The following TTLL10 variants were observed in gnomAD, a reference collection of about 807,000 sequenced individuals.
The protein encoded by TTLL10 is inactive polyglycylase TTLL10.
In TTLL10, 61 loss-of-function variants were observed where a neutral mutation model predicts 69.0. That is an observed-to-expected ratio of 0.88 (90% CI 0.72 to 1.09). The LOEUF is 1.09. TTLL10 is among the 50% of genes least tolerant of loss of function. The pLI is 0.00. For synonymous variants in TTLL10, 408 were observed against 393.3 expected (o/e 1.04, Z -0.44); for missense variants, 962 against 945.9 (o/e 1.02, Z -0.22).
At chr1:1,175,955 C>T (rs1411693221) in intron 3 of TTLL10, 1 of 437,840 alleles carries the variant, frequency 2.3e-6, no homozygotes. Context: ...TGACGCTGTG[C>T]AGGTGGAAAG....
Position 1,185,989 on chromosome 1 carries a change from T to G in TTLL10, c.1401+880T>G. The G allele has an allele frequency of 7.3e-6, 2 of 274,608 alleles. No individual in the cohort carries two copies. Among genetic ancestry groups the G allele is most frequent in the Non-Finnish European group, 1.1e-5 (2 of 180,324 alleles). 17.0% of individuals were successfully genotyped at this position (274,608 alleles called of 1,614,324 possible). On this transcript the variant is annotated intron_variant, in intron 13 of 15. Transcript: ENST00000379289. The surrounding 1 kb of genome is among the most constrained non-coding windows in gnomAD (Gnocchi z 6.1). Reference sequence around the variant, plus strand: ...GCCATCACAGCTACATTGCCGGCCATTCCTGGTCACCGCTGATGGACCTTC... The same window carrying G: ...GCCATCACAGCTACATTGCCGGCCAGTCCTGGTCACCGCTGATGGACCTTC...
chr1:1,177,473 G>C (rs559483897), intron 3 of TTLL10, among the ~76,000 whole-genome samples: 13 of 152,278 alleles, frequency 8.5e-5, no homozygotes, highest in African/African-American at 2.4e-4. Flanking sequence ...CACCATGCCC[G>C]GCTAATTTTT....
intron 13 of TTLL10, among the ~76,000 whole-genome samples, chr1:1,195,135 C>T (rs929956651): frequency 4.6e-5 from 7 of 152,184 alleles, no homozygotes; most frequent in Non-Finnish European, 2.9e-5. Context: ...GGACTACAGG[C>T]ACGCACCATC....
chr1:1,183,818 G>A lies in TTLL10; in HGVS notation c.1089-102G>A, dbSNP rs566161552. 6.0e-5 allele frequency: 87 copies of A among 1,457,220 alleles called. No homozygotes were observed. In the African/African-American group the frequency reaches 8.5e-4, roughly 14 times the overall value. 90.3% of individuals were successfully genotyped at this position (1,457,220 alleles called of 1,614,324 possible). A position where few individuals can be genotyped will look rare whatever the true frequency, so the allele number is the denominator to read the frequency against. ...TGGAGGTCACACCTGGGACAGAGGCGGGGCGCTGAGGAAATGGAACAGGCC... is the reference window on the plus strand; with the variant it reads ...TGGAGGTCACACCTGGGACAGAGGCAGGGCGCTGAGGAAATGGAACAGGCC... On this transcript the variant is annotated intron_variant, in intron 11 of 15. Transcript: ENST00000379289.
At chr1:1,183,091 G>T in intron 11 of TTLL10, 44 bp downstream of exon 11, 1 of 1,539,260 alleles carries the variant, frequency 6.5e-7, no homozygotes, top group South Asian at 1.2e-5. Context: ...TGGGCTGGCT[G>T]ACCCGGGCCC....
chr1:1,183,569 C>G (rs1438139978), intron 11 of TTLL10, among the ~76,000 whole-genome samples: 2 of 152,182 alleles, frequency 1.3e-5, no homozygotes, highest in Non-Finnish European at 2.9e-5. Context: ...CTCCACCTGG[C>G]GAGCTCTCCG....
At chr1:1,197,064 G>A (rs2100927548) in intron 14 of TTLL10, 29 bp from the exon 15 acceptor site, 3 of 1,549,506 alleles carry the variant, frequency 1.9e-6, no homozygotes, top group Non-Finnish European at 2.6e-6. Flanking sequence ...GGCTCGGGGT[G>A]AGGAGGGACT....
rs1168016636 is a variant in TTLL10, at chr1:1,195,500, C to CTTTTTTTTT, written c.1402-1090_1402-1082dup. ...TATTTGATAAGACATCATCGTCATA[C>CTTTTTTTTT]TTTTTTTTTTTTTTTTTTAGTTTTA... On this transcript the variant is annotated intron_variant, in intron 13 of 15. Coordinates refer to ENST00000379289, the MANE Select transcript of TTLL10 (RefSeq NM_001130045.2). Among the ~76,000 whole-genome samples, 57 of 98,758 alleles carry CTTTTTTTTT rather than the reference C, an allele frequency of 5.8e-4. 3 individuals carry two copies. Among genetic ancestry groups the CTTTTTTTTT allele is most frequent in the East Asian group, 1.7e-3 (2 of 1,198 alleles). 64.8% of individuals were successfully genotyped at this position (98,758 alleles called of 152,430 possible). A position where few individuals can be genotyped will look rare whatever the true frequency, so the allele number is the denominator to read the frequency against.
In TTLL10 at chr1:1,185,345, C is replaced by T. The variant is rs375273787; in HGVS notation, c.1401+236C>T. ...AAGCCCAGTCGGGGGTCTGTCGGCA[C>T]GAGTCCCGCGGGCAGCCTCGCCGTA... On this transcript the variant is annotated intron_variant, in intron 13 of 15. Coordinates refer to ENST00000379289, the MANE Select transcript of TTLL10 (RefSeq NM_001130045.2). The surrounding 1 kb of genome is among the most constrained non-coding windows in gnomAD (Gnocchi z 6.1). The T allele has an allele frequency of 2.6e-5, 35 of 1,366,140 alleles. 1 individual carries two copies. Among genetic ancestry groups the T allele is most frequent in the East Asian group, 1.1e-4 (4 of 35,004 alleles). The allele number at this position is 1,366,140 out of a possible 1,614,324, so 84.6% of individuals were successfully genotyped here.
At chr1:1,176,465 C>G in intron 3 of TTLL10, 1 of 451,024 alleles carries the variant, frequency 2.2e-6, no homozygotes, top group Non-Finnish European at 4.5e-6. Context: ...ACAGCTCACT[C>G]CTGTGAGAGT....
At chr1:1,183,122 C>A (rs1406720391) in intron 11 of TTLL10, 75 bp downstream of exon 11, 1 of 1,479,218 alleles carries the variant, frequency 6.8e-7, no homozygotes. Context: ...GTCAGCAGGG[C>A]CGCCGAGGAG....
intron 10 of TTLL10, 70 bp downstream of exon 10, chr1:1,182,516 G>T: frequency 6.7e-7 from 1 of 1,499,858 alleles, no homozygotes; most frequent in South Asian, 1.1e-5. Flanking sequence ...CAAGGCGGGG[G>T]CTGATGAGGG....
At position 1,195,500 on chromosome 1, in the gene TTLL10, C is replaced by CTTTTTTTTTTTTTTTTTTT. The variant is rs1168016636; in HGVS notation, c.1402-1082_1402-1081insTTTTTTTTTTTTTTTTTTT. 1.3e-3 allele frequency among the ~76,000 whole-genome samples: 125 copies of CTTTTTTTTTTTTTTTTTTT among 98,708 alleles called. 3 individuals are homozygous for CTTTTTTTTTTTTTTTTTTT. The highest frequency in any genetic ancestry group is 2.0e-3 in the South Asian group (5 of 2,456). The allele number at this position is 98,708 out of a possible 152,430, so 64.8% of individuals were successfully genotyped here. ...TATTTGATAAGACATCATCGTCATACTTTTTTTTTTTTTTTTTTAGTTTTA... is the reference window on the plus strand; with the variant it reads ...TATTTGATAAGACATCATCGTCATACTTTTTTTTTTTTTTTTTTTTTTTTTTTTTTTTTTTTTAGTTTTA... On this transcript the variant is annotated intron_variant, in intron 13 of 15. Coordinates refer to ENST00000379289, the MANE Select transcript of TTLL10 (RefSeq NM_001130045.2).
Position 1,197,517 on chromosome 1 carries a change from C to G in TTLL10, c.1692C>G (p.Leu564=), listed in dbSNP as rs1557493821. The change falls in exon 16 of 16, where the codon CTC becomes CTG. Residue 564 remains leucine (L), a synonymous_variant. Transcript: ENST00000379289. ...LPLLSQRRFV[L]LHNGEADPRP... Reference sequence around the variant, plus strand: ...TGCTGTCCCAGCGCCGCTTCGTGCTCCTGCACAACGGTGAGGCCGACCCGC... The same window carrying G: ...TGCTGTCCCAGCGCCGCTTCGTGCTGCTGCACAACGGTGAGGCCGACCCGC... 6.5e-7 allele frequency: 1 copy of G among 1,539,944 alleles called. No homozygotes were observed.
Position 1,183,066 on chromosome 1 carries a change from G to T in TTLL10, c.1088+19G>T. ...TGCAGAGGTGCGGCGGCGGGTGCCCGGAGGGGTGAGGGTCTGGGCTGGCTG... is the reference window on the plus strand; with the variant it reads ...TGCAGAGGTGCGGCGGCGGGTGCCCTGAGGGGTGAGGGTCTGGGCTGGCTG... On this transcript the variant is annotated intron_variant, in intron 11 of 15. Coordinates refer to ENST00000379289, the MANE Select transcript of TTLL10 (RefSeq NM_001130045.2). 2 of 1,575,164 alleles carry T rather than the reference G, an allele frequency of 1.3e-6. No individual in the cohort carries two copies. Among genetic ancestry groups the T allele is most frequent in the Non-Finnish European group, 1.7e-6 (2 of 1,160,922 alleles).
chr1:1,185,290 T>A lies in TTLL10; in HGVS notation c.1401+181T>A, dbSNP rs909600796. On this transcript the variant is annotated intron_variant, in intron 13 of 15. Transcript: ENST00000379289. This position sits in a 1 kb window ranked among gnomAD's most constrained non-coding sequence, Gnocchi z 6.1. ...CTGCTCACTTAGCTGGCAGTGCCTG[T>A]CCCCAGCAGCCAGCAAAGGCCCGGA... 1 of 1,407,292 alleles carries A rather than the reference T, an allele frequency of 7.1e-7. No individual in the cohort carries two copies. The allele number at this position is 1,407,292 out of a possible 1,614,324, so 87.2% of individuals were successfully genotyped here. A position where few individuals can be genotyped will look rare whatever the true frequency, so the allele number is the denominator to read the frequency against.
At chr1:1,179,438 G>A (rs1570403243) in intron 4 of TTLL10, 105 bp downstream of exon 4, 3 of 1,289,974 alleles carry the variant, frequency 2.3e-6, no homozygotes, top group South Asian at 1.3e-5. Context: ...TGGGGCAGGG[G>A]CAGGATCCAC....
intron 3 of TTLL10, chr1:1,175,763 G>C: frequency 2.3e-6 from 1 of 428,402 alleles, no homozygotes; most frequent in Non-Finnish European, 4.7e-6. Flanking sequence ...GGCTGCTGTT[G>C]TGCAGGTGGA....
rs114359609 is a variant in TTLL10, at chr1:1,180,130, C to T, written c.296C>T (p.Pro99Leu). Residue 99 changes from proline (P) to leucine (L), a missense_variant, in exon 6 of 16, where the codon CCG becomes CTG. Physicochemically the swap from Pro to Leu is moderately conservative, Grantham distance 98 (BLOSUM62 -3). Coordinates refer to ENST00000379289, the MANE Select transcript of TTLL10 (RefSeq NM_001130045.2). ...CACGACGCAGATGGACACTGTGGGC[C>T]GGACCTGGAGGGGGCAGAAAGAGCC... The part of the protein sequence containing the change: ...PDHDADGHCG[P>L]DLEGAERASA... 2,570 of 1,611,252 alleles carry T rather than the reference C, an allele frequency of 1.6e-3. 22 individuals carry two copies. Among genetic ancestry groups the T allele is most frequent in the African/African-American group, 0.013 (1,012 of 74,992 alleles).
Sources: gnomAD v4.1 joint callset for allele counts (sites outside exome capture counted in the v4.1 genomes callset) on GRCh38, gnomAD v4.1.1 for gene constraint, Gnocchi (gnomAD v3.1) non-coding constraint, MANE v1.5 for transcripts, NCBI Gene and HGNC (gene_info 2026-07-23, HGNC 2026-07-21) for gene names.